The following FNBP1 variants were observed in gnomAD, a reference collection of about 807,000 sequenced individuals.
FNBP1 encodes the protein formin-binding protein 1.
In FNBP1, 26 loss-of-function variants were observed where a neutral mutation model predicts 90.6. That is an observed-to-expected ratio of 0.29 (90% confidence interval 0.21 to 0.40). The LOEUF is 0.40. FNBP1 is among the 10% of genes least tolerant of loss of function. FNBP1 has a pLI of 1.00. For synonymous variants in FNBP1, 260 were observed against 265.2 expected (o/e 0.98, Z 0.19); for missense variants, 635 against 768.0 (o/e 0.83, Z 2.05).
rs2047124265 is a variant in FNBP1, at chr9:129,957,431, C to A, written c.442G>T (p.Ala148Ser). Residue 148 changes from alanine to serine, a missense_variant, in exon 6 of 17, where the codon GCG becomes TCG. Transcript: ENST00000446176. The surrounding 1 kb of genome is among the most constrained non-coding windows in gnomAD (Gnocchi z 4.3). ...KRRFERDCKE[A>S]DRAQQYFEKM... ...TCAAAGTACTGCTGCGCCCTGTCCG[C>A]CTCTTTGCAATCGCGTTCAAATCGC... 1 of 1,613,840 alleles carries A rather than the reference C, an allele frequency of 6.2e-7. No homozygotes were observed. Among genetic ancestry groups the A allele is most frequent in the South Asian group, 1.1e-5 (1 of 91,078 alleles).
At chr9:130,044,388 C>G (rs1258494098), upstream of FNBP1, among the ~76,000 whole-genome samples, 1 of 151,944 alleles carries the variant, frequency 6.6e-6, no homozygotes, top group African/African-American at 2.4e-5. Flanking sequence ...CATCAGGAGG[C>G]CCAGGTGGGA....
intron 6 of FNBP1, among the ~76,000 whole-genome samples, chr9:129,940,456 C>A (rs185090932): frequency 1.2e-4 from 18 of 150,704 alleles, no homozygotes; most frequent in Non-Finnish European, 2.9e-5. Flanking sequence ...GACAAAGTTA[C>A]ATCATATGTA....
chr9:129,890,177 C>G lies in FNBP1; in HGVS notation c.*362G>C, dbSNP rs969448754. 3 of 403,718 alleles carry G rather than the reference C, an allele frequency of 7.4e-6. No individual in the cohort carries two copies. Among genetic ancestry groups the G allele is most frequent in the African/African-American group, 2.0e-5 (1 of 49,086 alleles). 25.0% of individuals were successfully genotyped at this position (403,718 alleles called of 1,614,324 possible). Reference sequence around the variant, plus strand: ...CGTGATGACACTTTCACAAAAGGCACTGTGTGAAGCGCGGAAGGGCTGCCA... The same window carrying G: ...CGTGATGACACTTTCACAAAAGGCAGTGTGTGAAGCGCGGAAGGGCTGCCA... On this transcript the variant is annotated 3_prime_UTR_variant, in exon 17 of 17. Transcript: ENST00000446176. The surrounding 1 kb of genome is among the most constrained non-coding windows in gnomAD (Gnocchi z 5.8).
the FNBP1 span, among the ~76,000 whole-genome samples, chr9:130,051,893 T>C: frequency 3.3e-5 from 5 of 152,236 alleles, no homozygotes; most frequent in Admixed American, 2.6e-4. Context: ...GATCAGTCTT[T>C]CCAGCCCCTG....
chr9:130,020,021 T>A lies in FNBP1; in HGVS notation c.24+22931A>T, dbSNP rs79416932. ...ATTTGCCTTTTAGGCAACAGAATGA[T>A]GTTTAATCACATTTCTCAATGTGAA... On this transcript the variant is annotated intron_variant, in intron 1 of 16. Transcript: ENST00000446176. Among the ~76,000 whole-genome samples the A allele has an allele frequency of 7.9e-3, 1,210 of 152,304 alleles. 7 individuals carry two copies. The highest frequency in any genetic ancestry group is 0.013 in the Non-Finnish European group (904 of 68,028).
At chr9:130,020,318 T>C (rs925044043) in intron 1 of FNBP1, among the ~76,000 whole-genome samples, 37 of 152,010 alleles carry the variant, frequency 2.4e-4, no homozygotes, top group Admixed American at 1.0e-3. Flanking sequence ...AAGTGATTCT[T>C]GTTGCCTCAG....
Position 129,889,528 on chromosome 9 carries a change from C to T in FNBP1, c.*1011G>A, listed in dbSNP as rs544785798. On this transcript the variant is annotated 3_prime_UTR_variant, in exon 17 of 17. Transcript: ENST00000446176. ...GAGGTTGTAGTGAGCCGAGATCATGCCACTGCACTCCAGTCTGAACAATAG... is the reference window on the plus strand; with the variant it reads ...GAGGTTGTAGTGAGCCGAGATCATGTCACTGCACTCCAGTCTGAACAATAG... The T allele has an allele frequency of 1.6e-3, 315 of 195,624 alleles. 5 individuals are homozygous for T. The highest frequency in any genetic ancestry group is 3.7e-3 in the Middle Eastern group (2 of 546). The allele number at this position is 195,624 out of a possible 1,614,324, so 12.1% of individuals were successfully genotyped here.
chr9:129,926,115 G>A (rs1385806378), intron 8 of FNBP1, among the ~76,000 whole-genome samples: 1 of 151,538 alleles, frequency 6.6e-6, no homozygotes, highest in Non-Finnish European at 1.5e-5. Flanking sequence ...GGGACTACAG[G>A]GGCATACCAC....
At chr9:130,043,388 C>T (rs1225398281), upstream of FNBP1, among the ~76,000 whole-genome samples, 1 of 152,106 alleles carries the variant, frequency 6.6e-6, no homozygotes. Flanking sequence ...ACGGCGGGAC[C>T]CGGATCCCTA....
At chr9:130,044,466 GA>G (rs33931674), upstream of FNBP1, among the ~76,000 whole-genome samples, 51,076 of 150,078 alleles carry the variant, frequency 0.34, 8,760 homozygotes, top group Non-Finnish European at 0.39. Flanking sequence ...TCTACAAAAA[GA>G]AAAAAAAAAA....
intron 1 of FNBP1, among the ~76,000 whole-genome samples, chr9:130,002,527 G>A (rs2055022266): frequency 6.6e-6 from 1 of 152,170 alleles, no homozygotes; most frequent in South Asian, 2.1e-4. Context: ...CCTCTCTATT[G>A]TGCCCTCTCT....
chr9:129,961,973 C>A (rs1266162113), intron 4 of FNBP1, among the ~76,000 whole-genome samples: 1 of 152,222 alleles, frequency 6.6e-6, no homozygotes, highest in Non-Finnish European at 1.5e-5. Flanking sequence ...TCCACCCTGT[C>A]TGGGTCCCCA....
At chr9:129,910,187 A>G (rs1588464552) in intron 11 of FNBP1, 1 of 456,248 alleles carries the variant, frequency 2.2e-6, no homozygotes. Flanking sequence ...GTTCATAAAG[A>G]GAGAGAAATT....
At chr9:130,001,992 C>T (rs1355441433) in intron 1 of FNBP1, among the ~76,000 whole-genome samples, 3 of 145,788 alleles carry the variant, frequency 2.1e-5, no homozygotes, top group Non-Finnish European at 4.5e-5. Flanking sequence ...CGCGCCACTG[C>T]ACTCCAGCCT....
At chr9:129,973,662 G>A (rs1249100643) in intron 4 of FNBP1, among the ~76,000 whole-genome samples, 4 of 148,872 alleles carry the variant, frequency 2.7e-5, no homozygotes, top group African/African-American at 5.0e-5. Context: ...CACCATGCCC[G>A]GCTAATTTTT....
intron 6 of FNBP1, among the ~76,000 whole-genome samples, chr9:129,948,387 T>G (rs945640167): frequency 1.2e-5 from 1 of 85,438 alleles, no homozygotes; most frequent in African/African-American, 4.6e-5. Context: ...TTTTTTGAGA[T>G]GGACTTTTGC....
In FNBP1 at chr9:129,953,406, C is replaced by T. The variant is rs183813164; in HGVS notation, c.513+3954G>A. ...TAGGGAGGCTGAGGCAGGAGAACTG[C>T]TTGAACCCGGGAGGCAGAGGTTGCA... On this transcript the variant is annotated intron_variant, in intron 6 of 16. Transcript: ENST00000446176. Among the ~76,000 whole-genome samples the T allele has an allele frequency of 3.2e-3, 492 of 152,182 alleles. 9 individuals carry two copies. The highest frequency in any genetic ancestry group is 0.028 in the Admixed American group (432 of 15,274).
upstream of FNBP1, among the ~76,000 whole-genome samples, chr9:130,045,965 T>C (rs1269806607): frequency 6.6e-6 from 1 of 152,194 alleles, no homozygotes; most frequent in African/African-American, 2.4e-5. Context: ...CTAAACTCTA[T>C]GTAAACGCTG....
intron 16 of FNBP1, among the ~76,000 whole-genome samples, chr9:129,894,413 T>C (rs989049832): frequency 2.0e-5 from 3 of 152,164 alleles, no homozygotes; most frequent in Non-Finnish European, 2.9e-5. Context: ...TACAGTTAAT[T>C]GTATAAAATG....
Sources: allele counts gnomAD v4.1 joint callset (sites outside exome capture counted in the v4.1 genomes callset), GRCh38; gene constraint gnomAD v4.1.1; non-coding constraint Gnocchi (gnomAD v3.1); transcripts MANE v1.5; gene names NCBI Gene and HGNC (gene_info 2026-07-23, HGNC 2026-07-21).